HSPBP1: variants seen among roughly 807,000 people sequenced by gnomAD.
The protein encoded by HSPBP1 is hsp70-binding protein 1.
HSPBP1 carries 31 observed loss-of-function variants against 41.7 expected under a neutral mutation model. That is an observed-to-expected ratio of 0.74 (90% CI 0.56 to 1.00). HSPBP1 has a LOEUF of 1.00. Ranked by LOEUF, HSPBP1 falls within the 50% of genes least tolerant of loss-of-function variation. The pLI is 0.00. For missense variants in HSPBP1, 439 were observed against 487.9 expected (o/e 0.90, Z 0.94); for synonymous variants, 199 against 214.4 (o/e 0.93, Z 0.63).
At chr19:55,269,609 G>A (rs925954600) in intron 4 of HSPBP1, among the ~76,000 whole-genome samples, 10 of 152,158 alleles carry the variant, frequency 6.6e-5, no homozygotes, top group African/African-American at 2.2e-4. Context: ...AGATTACTAA[G>A]CCAAAGAAGC....
chr19:55,267,242 G>A lies in HSPBP1; in HGVS notation c.641-956C>T, dbSNP rs544791096. 1.2e-4 allele frequency among the ~76,000 whole-genome samples: 19 copies of A among 152,066 alleles called. No homozygotes were observed. In the South Asian group the frequency reaches 2.3e-3, roughly 18 times the overall value. On this transcript the variant is annotated intron_variant, in intron 4 of 7. Coordinates refer to ENST00000433386, the MANE Select transcript of HSPBP1 (RefSeq NM_012267.5). ...TCTTGGCTCACTGTAACCTCCGCTC[G>A]CAGGTTCAAACTATTCTTCAGCCTC... is the stretch of plus-strand genomic sequence containing the variant.
At chr19:55,275,687 T>C (rs577300838) in intron 3 of HSPBP1, among the ~76,000 whole-genome samples, 2 of 151,972 alleles carry the variant, frequency 1.3e-5, no homozygotes, top group South Asian at 2.1e-4. Flanking sequence ...CGGTGGCTCA[T>C]GACTGTAATC....
chr19:55,277,296 C>G (rs1057214151), intron 3 of HSPBP1, among the ~76,000 whole-genome samples: 5 of 152,230 alleles, frequency 3.3e-5, no homozygotes, highest in Non-Finnish European at 7.3e-5. Context: ...GATCATCCCA[C>G]AACTCTCACC....
chr19:55,267,784 T>C (rs780180948), intron 4 of HSPBP1, among the ~76,000 whole-genome samples: 18 of 152,206 alleles, frequency 1.2e-4, no homozygotes, highest in Admixed American at 3.9e-4. Context: ...TCCTCACAAT[T>C]ATCCTGGAAG....
In HSPBP1 at chr19:55,262,297, C is replaced by T. The variant is rs918363151; in HGVS notation, c.*311G>A. The stretch of plus-strand genomic sequence containing the variant: ...TCCCTTAAACCCGTGCCCCTCCTCC[C>T]GTCCCCCATGCACCCTCCAAAGGAG... On this transcript the variant is annotated 3_prime_UTR_variant, in exon 8 of 8. Transcript: ENST00000433386. 4 of 1,070,468 alleles carry T rather than the reference C, an allele frequency of 3.7e-6. No individual in the cohort carries two copies. Among genetic ancestry groups the T allele is most frequent in the South Asian group, 3.4e-5 (1 of 29,532 alleles). 66.3% of individuals were successfully genotyped at this position (1,070,468 alleles called of 1,614,324 possible). A position where few individuals can be genotyped will look rare whatever the true frequency, so the allele number is the denominator to read the frequency against.
rs931400191 is a variant in HSPBP1 at position 55,270,896 on chromosome 19, C to T, written c.640+3502G>A. Among the ~76,000 whole-genome samples the T allele has an allele frequency of 2.0e-5, 3 of 151,712 alleles. No homozygotes were observed. The highest frequency in any genetic ancestry group is 4.8e-5 in the African/African-American group (2 of 41,354). ...ACACATGCAACACACACACCACACA[C>T]ACCTCCACATATATACCACACACCA... On this transcript the variant is annotated intron_variant, in intron 4 of 7. Coordinates refer to ENST00000433386, the MANE Select transcript of HSPBP1 (RefSeq NM_012267.5). This position sits in a 1 kb window ranked among gnomAD's most constrained non-coding sequence, Gnocchi z 5.4.
At chr19:55,265,586 G>A (rs2087753987) in intron 6 of HSPBP1, among the ~76,000 whole-genome samples, 197 bp from the exon 7 acceptor site, 1 of 152,090 alleles carries the variant, frequency 6.6e-6, no homozygotes, top group Non-Finnish European at 1.5e-5. Flanking sequence ...GCTCAGCACA[G>A]GGCCTGGTGC....
rs1349099207 is a variant in HSPBP1, at chr19:55,277,790, C to A, written c.267G>T (p.Glu89Asp). Residue 89 changes from glutamate to aspartate, a missense_variant, in exon 3 of 8, where the codon GAG (glutamate) becomes GAT (aspartate). By Grantham distance (45) the Glu-to-Asp change is conservative. Coordinates refer to ENST00000433386, the MANE Select transcript of HSPBP1 (RefSeq NM_012267.5). ...MSAAFRGQRE[E>D]VEQMKSCLRV... ...GGAGGCAGCTCTTCATCTGCTCCAC[C>A]TCCTCCCGCTGGCCTCGGAAGGCAG... 1.7e-5 allele frequency: 27 copies of A among 1,599,284 alleles called. No individual in the cohort carries two copies. The highest frequency in any genetic ancestry group is 2.3e-5 in the Non-Finnish European group (27 of 1,171,136).
In HSPBP1 at chr19:55,268,587, C is replaced by T. The variant is rs929873045; in HGVS notation, c.641-2301G>A. Among the ~76,000 whole-genome samples, 2 of 152,178 alleles carry T rather than the reference C, an allele frequency of 1.3e-5. No homozygotes were observed. The highest frequency in any genetic ancestry group is 2.9e-5 in the Non-Finnish European group (2 of 68,042). On this transcript the variant is annotated intron_variant, in intron 4 of 7. Transcript: ENST00000433386. The surrounding 1 kb of genome is among the most constrained non-coding windows in gnomAD (Gnocchi z 4.5). ...TGAAGACTTAGCATGACAAAAAATA[C>T]AGTGTCTCATTAATAGTCCATATTA...
intron 3 of HSPBP1, among the ~76,000 whole-genome samples, chr19:55,275,643 C>T (rs143339486): frequency 7.2e-5 from 11 of 151,730 alleles, no homozygotes; most frequent in African/African-American, 2.7e-4. Context: ...ATGTTATATA[C>T]TAAAAATACA....
Position 55,274,638 on chromosome 19 carries a change from G to C in HSPBP1, c.416-16C>G. On this transcript the variant is annotated splice_polypyrimidine_tract_variant and intron_variant, in intron 3 of 7. Coordinates refer to ENST00000433386, the MANE Select transcript of HSPBP1 (RefSeq NM_012267.5). ...TGGCAGAAGTCTGTGCCACAGAGGGGAGCAGAGAGAGGCCAGATGTTAGGG... is the reference window on the plus strand; with the variant it reads ...TGGCAGAAGTCTGTGCCACAGAGGGCAGCAGAGAGAGGCCAGATGTTAGGG... 1 of 1,592,548 alleles carries C rather than the reference G, an allele frequency of 6.3e-7. No individual in the cohort carries two copies. The highest frequency in any genetic ancestry group is 8.5e-7 in the Non-Finnish European group (1 of 1,171,612).
Position 55,262,472 on chromosome 19 carries a change from T to C in HSPBP1, c.*136A>G. The C allele has an allele frequency of 2.7e-6, 4 of 1,463,696 alleles. No individual in the cohort carries two copies. Among genetic ancestry groups the C allele is most frequent in the Non-Finnish European group, 3.6e-6 (4 of 1,105,548 alleles). The allele number at this position is 1,463,696 out of a possible 1,614,324, so 90.7% of individuals were successfully genotyped here. ...CTTTCTCAGCGCCCCTTCCAGGGAC[T>C]GCACAGAGACGGGCTGGCACACCCT... On this transcript the variant is annotated 3_prime_UTR_variant, in exon 8 of 8. Coordinates refer to ENST00000433386, the MANE Select transcript of HSPBP1 (RefSeq NM_012267.5).
chr19:55,274,526 G>T lies in HSPBP1; in HGVS notation c.512C>A (p.Thr171Lys), dbSNP rs141743392. 2 of 1,607,506 alleles carry T rather than the reference G, an allele frequency of 1.2e-6. No individual in the cohort carries two copies. The highest frequency in any genetic ancestry group is 2.2e-5 in the South Asian group (2 of 90,540). Residue 171 changes from threonine to lysine, a missense_variant, in exon 4 of 8, where the codon ACG becomes AAG. Transcript: ENST00000433386. ...GATGGCTGCCACGTTCTGACTGCAC[G>T]TGCCGATGAGCTGTGCCGCCCGCCA... The part of the protein sequence containing the change: ...LRWRAAQLIG[T>K]CSQNVAAIQE...
intron 4 of HSPBP1, among the ~76,000 whole-genome samples, chr19:55,267,606 A>G (rs2087822003): frequency 6.6e-6 from 1 of 151,750 alleles, no homozygotes; most frequent in Non-Finnish European, 1.5e-5. Flanking sequence ...GATTACAGGT[A>G]TGCACCACTA....
rs2087884553 is a variant in HSPBP1 at position 55,270,212 on chromosome 19, G to C, written c.641-3926C>G. 6.6e-6 allele frequency among the ~76,000 whole-genome samples: 1 copy of C among 152,210 alleles called. No individual in the cohort carries two copies. The highest frequency in any genetic ancestry group is 6.5e-5 in the Admixed American group (1 of 15,276). On this transcript the variant is annotated intron_variant, in intron 4 of 7. Transcript: ENST00000433386. This position sits in a 1 kb window ranked among gnomAD's most constrained non-coding sequence, Gnocchi z 5.4. ...TGGCATCCAAGCTCCCAGAGCTCTTGCCCTGCATCGTGCACAACTTTCGCT... is the reference window on the plus strand; with the variant it reads ...TGGCATCCAAGCTCCCAGAGCTCTTCCCCTGCATCGTGCACAACTTTCGCT...
At chr19:55,278,923 CAA>C (rs34254075) in intron 2 of HSPBP1, among the ~76,000 whole-genome samples, 10 of 90,636 alleles carry the variant, frequency 1.1e-4, no homozygotes, top group African/African-American at 1.3e-4. Flanking sequence ...CTGCCCCCAC[CAA>C]AAAAAAAAAA....
chr19:55,275,136 G>A (rs983097276), intron 3 of HSPBP1, among the ~76,000 whole-genome samples: 8 of 152,282 alleles, frequency 5.3e-5, no homozygotes, highest in Middle Eastern at 3.4e-3. Context: ...AGTACAACTC[G>A]ATTCCATCAG....
chr19:55,274,679 C>A, intron 3 of HSPBP1, 57 bp from the exon 4 acceptor site: 5 of 1,442,178 alleles, frequency 3.5e-6, no homozygotes, highest in East Asian at 2.4e-5. Flanking sequence ...ACCGTGCCCC[C>A]CAAAATGCAT....
chr19:55,262,440 C>G lies in HSPBP1; in HGVS notation c.*168G>C. The G allele has an allele frequency of 7.0e-7, 1 of 1,426,544 alleles. No homozygotes were observed. The highest frequency in any genetic ancestry group is 9.2e-7 in the Non-Finnish European group (1 of 1,091,562). The allele number at this position is 1,426,544 out of a possible 1,614,324, so 88.4% of individuals were successfully genotyped here. ...AGCATGGGAGGTGGGGTCCAAGGAG[C>G]TGGTGCCTTTCTCAGCGCCCCTTCC... On this transcript the variant is annotated 3_prime_UTR_variant, in exon 8 of 8. Transcript: ENST00000433386.
Sources: gnomAD v4.1 joint callset for allele counts (sites outside exome capture counted in the v4.1 genomes callset) on GRCh38, gnomAD v4.1.1 for gene constraint, Gnocchi (gnomAD v3.1) non-coding constraint, MANE v1.5 for transcripts, NCBI Gene and HGNC (gene_info 2026-07-23, HGNC 2026-07-21) for gene names.